The following LRP1B variants were observed in gnomAD, a reference collection of about 807,000 sequenced individuals.
LRP1B encodes the protein low-density lipoprotein receptor-related protein 1B.
Under a neutral mutation model 556.6 loss-of-function variants are expected in LRP1B, and 217 were observed. That is an observed-to-expected ratio of 0.39 (90% CI 0.35 to 0.44). The LOEUF (loss-of-function observed/expected upper bound fraction) is 0.44. Among genes scored for constraint, LRP1B ranks in the 20% least tolerant of loss-of-function variants. The pLI is 1.00. For synonymous variants in LRP1B, 2,047 were observed against 1,865.8 expected (o/e 1.10, Z -2.50); for missense variants, 5,053 against 5,620.8 (o/e 0.90, Z 3.23).
At chr2:141,785,183 C>T (rs1281777059) in intron 2 of LRP1B, among the ~76,000 whole-genome samples, 1 of 151,942 alleles carries the variant, frequency 6.6e-6, no homozygotes, top group Non-Finnish European at 1.5e-5. Flanking sequence ...TTTCCATATT[C>T]CTTTTTTCCC....
chr2:142,009,030 T>C (rs913481127), intron 1 of LRP1B, among the ~76,000 whole-genome samples: 3 of 152,090 alleles, frequency 2.0e-5, no homozygotes, highest in African/African-American at 7.2e-5. Context: ...CCAAGGAATA[T>C]TCCCATTTTA....
chr2:141,318,718 C>G (rs1445525933), intron 3 of LRP1B, among the ~76,000 whole-genome samples: 1 of 152,152 alleles, frequency 6.6e-6, no homozygotes, highest in Non-Finnish European at 1.5e-5. Flanking sequence ...AGGGAGGAAC[C>G]CTGGGCTTGC....
intron 29 of LRP1B, among the ~76,000 whole-genome samples, chr2:140,842,744 A>G (rs1423702426): frequency 6.6e-6 from 1 of 151,976 alleles, no homozygotes. Context: ...TTGGTTGCTG[A>G]GAGGCTGTAT....
intron 20 of LRP1B, among the ~76,000 whole-genome samples, chr2:140,931,443 C>T (rs1031588157): frequency 4.0e-5 from 6 of 151,442 alleles, no homozygotes; most frequent in Non-Finnish European, 7.4e-5. Flanking sequence ...CATCAAAATT[C>T]GTCATGAGTA....
At chr2:141,058,259 G>C (rs1699238132) in intron 9 of LRP1B, among the ~76,000 whole-genome samples, 1 of 151,788 alleles carries the variant, frequency 6.6e-6, no homozygotes, top group African/African-American at 2.4e-5. Flanking sequence ...GATAATTCTA[G>C]GCTAGTTTTA....
At chr2:141,289,528 T>C (rs867770806) in intron 3 of LRP1B, among the ~76,000 whole-genome samples, 3 of 152,236 alleles carry the variant, frequency 2.0e-5, no homozygotes, top group African/African-American at 7.2e-5. Context: ...AACCTCTCAC[T>C]GTGTTTACTT....
chr2:141,718,028 G>A (rs1367281203), intron 2 of LRP1B, among the ~76,000 whole-genome samples: 3 of 152,172 alleles, frequency 2.0e-5, no homozygotes, highest in Non-Finnish European at 4.4e-5. Context: ...CTGTGGCCAT[G>A]GCTAAAATGT....
intron 77 of LRP1B, among the ~76,000 whole-genome samples, chr2:140,346,254 G>A (rs1220525834): frequency 6.6e-6 from 1 of 151,458 alleles, no homozygotes; most frequent in East Asian, 1.9e-4. Flanking sequence ...AATTTCCTCA[G>A]CATAATTTAT....
intron 2 of LRP1B, among the ~76,000 whole-genome samples, chr2:141,772,469 T>A (rs1287075052): frequency 1.3e-5 from 2 of 152,120 alleles, no homozygotes; most frequent in African/African-American, 4.8e-5. Flanking sequence ...AGCATCAGCA[T>A]CACATAGAAT....
At chr2:140,763,371 C>T (rs1045547053) in intron 35 of LRP1B, among the ~76,000 whole-genome samples, 1 of 151,950 alleles carries the variant, frequency 6.6e-6, no homozygotes, top group Non-Finnish European at 1.5e-5. Flanking sequence ...AGAAATATGG[C>T]AGCACAAAGT....
At chr2:141,655,871 G>A (rs913073890) in intron 2 of LRP1B, among the ~76,000 whole-genome samples, 2 of 152,008 alleles carry the variant, frequency 1.3e-5, no homozygotes, top group African/African-American at 2.4e-5. Flanking sequence ...GCACACAAAT[G>A]TACCACTCTG....
intron 86 of LRP1B, among the ~76,000 whole-genome samples, chr2:140,260,581 TATTAC>T (rs778016938): frequency 2.0e-5 from 3 of 151,860 alleles, no homozygotes; most frequent in South Asian, 2.1e-4. Context: ...GCTTTATATA[TATTAC>T]ATTAGCCACA....
intron 23 of LRP1B, among the ~76,000 whole-genome samples, chr2:140,896,882 C>T (rs1437668641): frequency 6.6e-6 from 1 of 151,952 alleles, no homozygotes; most frequent in Non-Finnish European, 1.5e-5. Flanking sequence ...GGAGAATCAA[C>T]AGAAGATGAT....
At chr2:141,114,129 C>T (rs1700821274) in intron 7 of LRP1B, among the ~76,000 whole-genome samples, 1 of 152,342 alleles carries the variant, frequency 6.6e-6, no homozygotes, top group African/African-American at 2.4e-5. Flanking sequence ...CTGCCATGTG[C>T]TCAAACCCCT....
At chr2:141,532,426 C>T (rs978507589) in intron 2 of LRP1B, among the ~76,000 whole-genome samples, 3 of 151,752 alleles carry the variant, frequency 2.0e-5, no homozygotes, top group African/African-American at 4.8e-5. Context: ...ACTATCTACA[C>T]GTTTGAAAGA....
intron 7 of LRP1B, among the ~76,000 whole-genome samples, chr2:141,146,933 T>TTGTTC (rs1394980684): frequency 1.3e-5 from 2 of 152,150 alleles, no homozygotes; most frequent in African/African-American, 4.8e-5. Context: ...GAAAGATCCT[T>TTGTTC]TGTTCTGTTC....
chr2:140,339,579 C>T (rs1349204008), intron 77 of LRP1B, among the ~76,000 whole-genome samples: 2 of 151,552 alleles, frequency 1.3e-5, no homozygotes, highest in East Asian at 1.9e-4. Flanking sequence ...AAATTGTGTG[C>T]GTGTGTGTCT....
At chr2:140,473,542 A>T (rs191426034) in intron 60 of LRP1B, among the ~76,000 whole-genome samples, 2 of 152,004 alleles carry the variant, frequency 1.3e-5, no homozygotes, top group African/African-American at 4.8e-5. Context: ...TCACCATATA[A>T]GTGACATGAT....
rs2105353096 is a variant in LRP1B, at chr2:140,989,656, G to C, written c.2646C>G (p.Phe882Leu). 1 of 1,612,296 alleles carries C rather than the reference G, an allele frequency of 6.2e-7. No homozygotes were observed. The highest frequency in any genetic ancestry group is 8.5e-7 in the Non-Finnish European group (1 of 1,178,934). Reference protein sequence around the residue: ...DGSDEDSVNCFNHSCPDDQFK... With the variant: ...DGSDEDSVNCLNHSCPDDQFK... ...ACTGATCATCAGGACAGCTATGATT[G>C]ACTGGGAGGGAGGGGGAAGCAAGAT... is the stretch of plus-strand genomic sequence containing the variant. Residue 882 changes from phenylalanine to leucine, a missense_variant and splice_region_variant, in exon 17 of 91, where the codon TTC becomes TTG. Coordinates refer to ENST00000389484, the MANE Select transcript of LRP1B (RefSeq NM_018557.3).
Sources: allele counts gnomAD v4.1 joint callset (sites outside exome capture counted in the v4.1 genomes callset), GRCh38; gene constraint gnomAD v4.1.1; transcripts MANE v1.5; gene names NCBI Gene and HGNC (gene_info 2026-07-23, HGNC 2026-07-21).